ARB2A: variants seen among roughly 807,000 people sequenced by gnomAD.
The protein encoded by ARB2A is cotranscriptional regulator ARB2A.
At chr5:93,713,010 A>G in the ARB2A span, among the ~76,000 whole-genome samples, 5 of 152,242 alleles carry the variant, frequency 3.3e-5, no homozygotes, top group African/African-American at 4.8e-5. Flanking sequence ...CATATGCAGA[A>G]GAATGATACT....
chr5:94,101,015 A>G, the ARB2A span, among the ~76,000 whole-genome samples: 2 of 152,130 alleles, frequency 1.3e-5, no homozygotes, highest in Admixed American at 6.6e-5. Flanking sequence ...ACAGAATGGG[A>G]AAAAAAATCT....
chr5:93,743,931 G>A, the ARB2A span, among the ~76,000 whole-genome samples: 1 of 152,148 alleles, frequency 6.6e-6, no homozygotes, highest in East Asian at 1.9e-4. Flanking sequence ...CTCCCAAGGT[G>A]TTGGGATTTC....
At chr5:94,049,250 G>A in the ARB2A span, among the ~76,000 whole-genome samples, 1 of 152,150 alleles carries the variant, frequency 6.6e-6, no homozygotes, top group African/African-American at 2.4e-5. Context: ...AGTACCATGT[G>A]AAGTACCTAA....
chr5:93,920,017 T>C, the ARB2A span, among the ~76,000 whole-genome samples: 1 of 152,140 alleles, frequency 6.6e-6, no homozygotes, highest in Non-Finnish European at 1.5e-5. Flanking sequence ...TATTTCTATA[T>C]AGGAATTATA....
chr5:93,728,197 G>C, the ARB2A span, among the ~76,000 whole-genome samples: 3 of 151,864 alleles, frequency 2.0e-5, no homozygotes, highest in Non-Finnish European at 2.9e-5. Context: ...GTTGTTTTCA[G>C]AATGATTCTG....
the ARB2A span, among the ~76,000 whole-genome samples, chr5:94,036,894 C>G: frequency 3.3e-5 from 5 of 152,130 alleles, no homozygotes; most frequent in African/African-American, 1.2e-4. Flanking sequence ...ATCAGCGCCA[C>G]TGGGTTGGTA....
the ARB2A span, among the ~76,000 whole-genome samples, chr5:93,937,679 T>C: frequency 6.6e-6 from 1 of 151,742 alleles, no homozygotes; most frequent in African/African-American, 2.4e-5. Context: ...TGTGTGTTTG[T>C]GTGTATGCAG....
chr5:93,726,958 A>G, the ARB2A span, among the ~76,000 whole-genome samples: 1 of 152,194 alleles, frequency 6.6e-6, no homozygotes, highest in East Asian at 1.9e-4. Flanking sequence ...TAAAAGTGGT[A>G]GGCAATCCAA....
the ARB2A span, among the ~76,000 whole-genome samples, chr5:93,875,293 G>A: frequency 6.6e-6 from 1 of 151,986 alleles, no homozygotes; most frequent in Non-Finnish European, 1.5e-5. Context: ...GCACAGTGGC[G>A]TGATCTCGGC....
the ARB2A span, among the ~76,000 whole-genome samples, chr5:94,073,430 C>T: frequency 6.6e-6 from 1 of 152,014 alleles, no homozygotes; most frequent in African/African-American, 2.4e-5. Context: ...AGTTAAGCAA[C>T]TTGTTCATGT....
At chr5:94,108,408 C>T in the ARB2A span, among the ~76,000 whole-genome samples, 1 of 151,250 alleles carries the variant, frequency 6.6e-6, no homozygotes, top group Admixed American at 6.6e-5. Context: ...TTTGGAGTTA[C>T]TACAGATACC....
the ARB2A span, among the ~76,000 whole-genome samples, chr5:93,879,536 G>A: frequency 6.6e-6 from 1 of 151,504 alleles, no homozygotes; most frequent in Non-Finnish European, 1.5e-5. Flanking sequence ...GAAAACAAAA[G>A]GAAAGAGAGC....
the ARB2A span, among the ~76,000 whole-genome samples, chr5:93,813,330 T>C: frequency 6.6e-6 from 1 of 152,154 alleles, no homozygotes; most frequent in Admixed American, 6.5e-5. Context: ...GACAATAAAA[T>C]TGAATATTTA....
At chr5:93,987,289 GAAGA>G in the ARB2A span, among the ~76,000 whole-genome samples, 6 of 152,192 alleles carry the variant, frequency 3.9e-5, no homozygotes, top group Admixed American at 1.3e-4. Flanking sequence ...TCAGAGGAAA[GAAGA>G]AAGAAAGAAA....
At chr5:93,815,806 T>C in the ARB2A span, among the ~76,000 whole-genome samples, 3 of 152,160 alleles carry the variant, frequency 2.0e-5, no homozygotes, top group African/African-American at 7.2e-5. Context: ...TCATTACCCA[T>C]TGCCTTGATT....
the ARB2A span, among the ~76,000 whole-genome samples, chr5:93,882,277 T>C: frequency 4.6e-5 from 7 of 151,418 alleles, no homozygotes; most frequent in African/African-American, 2.4e-5. Context: ...TTGAATTTTA[T>C]TCACTTTGTT....
At chr5:93,829,273 G>A in the ARB2A span, among the ~76,000 whole-genome samples, 2 of 152,092 alleles carry the variant, frequency 1.3e-5, no homozygotes, top group African/African-American at 4.8e-5. Context: ...TCCAGTTGTA[G>A]GGAGCAACTC....
chr5:93,882,050 ACTAT>A, the ARB2A span, among the ~76,000 whole-genome samples: 1 of 151,450 alleles, frequency 6.6e-6, no homozygotes, highest in East Asian at 1.9e-4. Context: ...TAATATTTAT[ACTAT>A]CTGTTTTGAG....
chr5:94,014,977 C>G, the ARB2A span, among the ~76,000 whole-genome samples: 3 of 151,092 alleles, frequency 2.0e-5, no homozygotes, highest in Admixed American at 6.6e-5. Context: ...AGAAAGTTTA[C>G]TCAAAGAAAT....
Sources: allele counts gnomAD v4.1 joint callset (sites outside exome capture counted in the v4.1 genomes callset), GRCh38; gene constraint gnomAD v4.1.1; transcripts MANE v1.5; gene names NCBI Gene and HGNC (gene_info 2026-07-23, HGNC 2026-07-21).